Variants in PLBD1 observed in about 807,000 individuals in gnomAD.
The protein encoded by PLBD1 is lysosomal leucine aminopeptidase.
PLBD1 carries 60 observed loss-of-function variants against 63.0 expected under a neutral mutation model. That is an observed-to-expected ratio of 0.95 (90% CI 0.77 to 1.18). PLBD1 has a LOEUF of 1.18. Ranked by LOEUF, PLBD1 falls within the 50% of genes most tolerant of loss-of-function variation. PLBD1 has a pLI of 0.00. For missense variants in PLBD1, 598 were observed against 677.9 expected (o/e 0.88, Z 1.31); for synonymous variants, 262 against 248.0 (o/e 1.06, Z -0.53).
intron 1 of PLBD1, among the ~76,000 whole-genome samples, chr12:14,559,603 T>G (rs1442572941): frequency 6.6e-6 from 1 of 152,196 alleles, no homozygotes; most frequent in Non-Finnish European, 1.5e-5. Flanking sequence ...AGCTATTTGT[T>G]GGTATTTTCT....
At position 14,511,167 on chromosome 12, in the gene PLBD1, C is replaced by T. The variant is rs529551905; in HGVS notation, c.1186+93G>A. The T allele has an allele frequency of 9.1e-6, 11 of 1,214,822 alleles. No homozygotes were observed. The South Asian group carries it at 1.6e-4, about 18-fold the overall frequency. 75.3% of individuals were successfully genotyped at this position (1,214,822 alleles called of 1,614,324 possible). A position where few individuals can be genotyped will look rare whatever the true frequency, so the allele number is the denominator to read the frequency against. ...TCCTGTCTTCCCCACCATACCCTCC[C>T]CCACCACACATTCACACAATGTGCA... On this transcript the variant is annotated intron_variant, in intron 8 of 10. Transcript: ENST00000240617.
intron 4 of PLBD1, among the ~76,000 whole-genome samples, chr12:14,540,277 T>G (rs1945561425): frequency 1.3e-5 from 2 of 151,326 alleles, no homozygotes; most frequent in Admixed American, 6.6e-5. Flanking sequence ...AAATAAAATA[T>G]CCATAATTTT....
rs1459666050 is a variant in PLBD1 at position 14,506,241 on chromosome 12, C to T, written c.1400G>A (p.Gly467Asp). ...NNYKKDPYSR[G>D]DPCNTICCRE... ...GCAGCAGATGGTATTACAGGGGTCACCTCTACTGTAAGGATCCTTCTTATA... is the reference window on the plus strand; with the variant it reads ...GCAGCAGATGGTATTACAGGGGTCATCTCTACTGTAAGGATCCTTCTTATA... Residue 467 changes from glycine to aspartate, a missense_variant, in exon 10 of 11, where the codon GGT becomes GAT. Transcript: ENST00000240617. 6.2e-7 allele frequency: 1 copy of T among 1,611,824 alleles called. No homozygotes were observed. The highest frequency in any genetic ancestry group is 1.3e-5 in the African/African-American group (1 of 74,842).
chr12:14,560,129 G>C (rs1373301292), intron 1 of PLBD1, among the ~76,000 whole-genome samples: 1 of 152,092 alleles, frequency 6.6e-6, no homozygotes, highest in Non-Finnish European at 1.5e-5. Context: ...CAAAGTGCTG[G>C]GATTACAGGC....
chr12:14,525,405 T>C (rs1945408934), intron 6 of PLBD1, among the ~76,000 whole-genome samples: 1 of 152,052 alleles, frequency 6.6e-6, no homozygotes, highest in Non-Finnish European at 1.5e-5. Context: ...CAAAGACTTG[T>C]GCAAAAATGT....
At chr12:14,509,071 GCTTTT>G (rs1350484128) in intron 8 of PLBD1, among the ~76,000 whole-genome samples, 1 of 151,510 alleles carries the variant, frequency 6.6e-6, no homozygotes, top group Admixed American at 6.6e-5. Context: ...TTCTTTCTGA[GCTTTT>G]CTTTACTCAC....
At chr12:14,542,715 T>C (rs1945584542) in intron 2 of PLBD1, among the ~76,000 whole-genome samples, 1 of 152,206 alleles carries the variant, frequency 6.6e-6, no homozygotes, top group Non-Finnish European at 1.5e-5. Context: ...CCATAAATAA[T>C]GTATAGAATT....
intron 6 of PLBD1, among the ~76,000 whole-genome samples, chr12:14,512,418 G>T (rs1003539253): frequency 6.6e-6 from 1 of 152,074 alleles, no homozygotes; most frequent in Admixed American, 6.5e-5. Flanking sequence ...AAAGTGCTGG[G>T]ATTACAGGTG....
intron 6 of PLBD1, among the ~76,000 whole-genome samples, chr12:14,519,993 T>C (rs1226920123): frequency 6.6e-6 from 1 of 152,228 alleles, no homozygotes; most frequent in African/African-American, 2.4e-5. Flanking sequence ...ATCCAAAATC[T>C]GAATATGAAC....
chr12:14,540,754 A>G lies in PLBD1; in HGVS notation c.558+10T>C. The G allele has an allele frequency of 6.4e-7, 1 of 1,552,118 alleles. No individual in the cohort carries two copies. The highest frequency in any genetic ancestry group is 8.7e-7 in the Non-Finnish European group (1 of 1,143,648). On this transcript the variant is annotated intron_variant, in intron 4 of 10. Coordinates refer to ENST00000240617, the MANE Select transcript of PLBD1 (RefSeq NM_024829.6). ...TCTATAAATTCTGAGAAGCTTGTTT[A>G]AAGTCCTACCTTTGTCCCTTCTAAT...
chr12:14,535,134 C>T (rs1025452373), intron 6 of PLBD1, among the ~76,000 whole-genome samples: 1 of 152,194 alleles, frequency 6.6e-6, no homozygotes, highest in Non-Finnish European at 1.5e-5. Flanking sequence ...TATTATTACT[C>T]TTATTCATAT....
At chr12:14,507,160 G>C (rs374143722) in intron 8 of PLBD1, 42 bp from the exon 9 acceptor site, 4 of 1,424,638 alleles carry the variant, frequency 2.8e-6, no homozygotes, top group Non-Finnish European at 3.9e-6. Flanking sequence ...GATTGACAGG[G>C]AAGGAGACAG....
At chr12:14,508,742 C>A (rs1945273731) in intron 8 of PLBD1, among the ~76,000 whole-genome samples, 1 of 152,098 alleles carries the variant, frequency 6.6e-6, no homozygotes, top group African/African-American at 2.4e-5. Context: ...TGCAATCTAG[C>A]CTGGGTGACA....
chr12:14,559,839 CTGAT>C (rs573059183), intron 1 of PLBD1, among the ~76,000 whole-genome samples: 164 of 151,456 alleles, frequency 1.1e-3, no homozygotes, highest in Admixed American at 1.7e-3. Context: ...CTTGTATACT[CTGAT>C]TAATATTTTA....
At chr12:14,538,781 T>G (rs1236937465) in intron 4 of PLBD1, among the ~76,000 whole-genome samples, 1 of 152,136 alleles carries the variant, frequency 6.6e-6, no homozygotes, top group Non-Finnish European at 1.5e-5. Context: ...ATCCCGGCAT[T>G]TTGGGAGGCC....
intron 6 of PLBD1, among the ~76,000 whole-genome samples, chr12:14,522,158 A>G (rs1015847029): frequency 1.3e-5 from 2 of 152,180 alleles, no homozygotes; most frequent in Admixed American, 6.6e-5. Context: ...GAGGGAGAAG[A>G]GATGGAGAAG....
intron 4 of PLBD1, among the ~76,000 whole-genome samples, chr12:14,540,463 C>T (rs1472343818): frequency 6.6e-6 from 1 of 151,906 alleles, no homozygotes; most frequent in Non-Finnish European, 1.5e-5. Flanking sequence ...GTCTAAAACA[C>T]TAGTTTTATC....
chr12:14,506,381 C>T (rs1235228381), intron 9 of PLBD1, 113 bp from the exon 10 acceptor site: 2 of 714,662 alleles, frequency 2.8e-6, no homozygotes, highest in Admixed American at 2.8e-5. Flanking sequence ...TGTACTCCCA[C>T]AGGCCTCCTC....
intron 1 of PLBD1, among the ~76,000 whole-genome samples, chr12:14,556,616 G>A (rs1040730560): frequency 4.0e-5 from 6 of 151,320 alleles, no homozygotes; most frequent in Non-Finnish European, 7.4e-5. Flanking sequence ...TGATCCGCCT[G>A]CCTCGGCCTC....
Sources: allele counts gnomAD v4.1 joint callset (sites outside exome capture counted in the v4.1 genomes callset), GRCh38; gene constraint gnomAD v4.1.1; transcripts MANE v1.5; gene names NCBI Gene and HGNC (gene_info 2026-07-23, HGNC 2026-07-21).